The following POU6F2 variants were observed in gnomAD, a reference collection of about 807,000 sequenced individuals.
POU6F2 encodes POU class 6 homeobox 2.
Under a neutral mutation model 71.3 loss-of-function variants are expected in POU6F2, and 31 were observed. The ratio of observed to expected loss-of-function variants is 0.43; its 90% CI spans 0.33 to 0.59. POU6F2 has a LOEUF of 0.59. POU6F2 is among the 20% of genes least tolerant of loss of function. The pLI, the probability that POU6F2 is intolerant of heterozygous loss-of-function variation, is 0.04. For synonymous variants in POU6F2, 347 were observed against 355.7 expected, an observed-to-expected ratio of 0.98 and a Z score of 0.27; for missense variants, 783 against 856.8, an observed-to-expected ratio of 0.91 and a Z score of 1.07.
intron 9 of POU6F2, among the ~76,000 whole-genome samples, chr7:39,463,153 C>T (rs578143042): frequency 4.3e-4 from 65 of 152,230 alleles, no homozygotes; most frequent in African/African-American, 4.1e-4. Context: ...AACAAACAAA[C>T]GAATAAAAGG....
At chr7:39,330,276 A>G (rs1032312656) in intron 4 of POU6F2, among the ~76,000 whole-genome samples, 1 of 152,194 alleles carries the variant, frequency 6.6e-6, no homozygotes, top group East Asian at 1.9e-4. Flanking sequence ...CCCTGCTCCA[A>G]AGAGAAGCAT....
At chr7:39,026,784 A>G (rs1473348891) in intron 1 of POU6F2, among the ~76,000 whole-genome samples, 1 of 152,158 alleles carries the variant, frequency 6.6e-6, no homozygotes, top group African/African-American at 2.4e-5. Flanking sequence ...TATCACTTAA[A>G]TTACTTAATT....
intron 2 of POU6F2, among the ~76,000 whole-genome samples, chr7:39,141,031 G>A (rs949796250): frequency 2.0e-5 from 3 of 152,074 alleles, no homozygotes; most frequent in Admixed American, 6.6e-5. Flanking sequence ...CAGTCTTAAC[G>A]TCAGAAGTTA....
chr7:39,284,267 G>A (rs546128460), intron 4 of POU6F2, among the ~76,000 whole-genome samples: 2 of 152,310 alleles, frequency 1.3e-5, no homozygotes, highest in South Asian at 2.1e-4. Flanking sequence ...CATGTTTGTA[G>A]CCCAAAGTCT....
rs544136202 is a variant in POU6F2, at chr7:39,304,190, A to C, written c.599-35452A>C. Among the ~76,000 whole-genome samples, 28 of 152,348 alleles carry C rather than the reference A, an allele frequency of 1.8e-4. No homozygotes were observed. The East Asian group carries it at 5.4e-3, about 29-fold the overall frequency. ...TAAAAAACAAACTGAGAAAGCTGCAACACATATGGTAGACTGTGAAGTACC... is the reference window on the plus strand; with the variant it reads ...TAAAAAACAAACTGAGAAAGCTGCACCACATATGGTAGACTGTGAAGTACC... On this transcript the variant is annotated intron_variant, in intron 4 of 9. Transcript: ENST00000518318.
At chr7:39,205,996 AC>A (rs1430098504) in intron 3 of POU6F2, among the ~76,000 whole-genome samples, 2 of 151,980 alleles carry the variant, frequency 1.3e-5, no homozygotes, top group Admixed American at 1.3e-4. Flanking sequence ...TTGAACTTGA[AC>A]CCCCTCTCAA....
intron 9 of POU6F2, among the ~76,000 whole-genome samples, chr7:39,461,928 A>G (rs1788958194): frequency 6.6e-6 from 1 of 152,232 alleles, no homozygotes; most frequent in African/African-American, 2.4e-5. Flanking sequence ...AACACTAACA[A>G]ACAGCATCCA....
At chr7:39,245,571 G>A (rs1019323215) in intron 4 of POU6F2, among the ~76,000 whole-genome samples, 2 of 152,154 alleles carry the variant, frequency 1.3e-5, no homozygotes, top group Non-Finnish European at 1.5e-5. Flanking sequence ...GCTCCTGTCT[G>A]CGTCACATCA....
intron 1 of POU6F2, among the ~76,000 whole-genome samples, chr7:39,015,931 A>G (rs373330367): frequency 0.6 from 19,442 of 32,428 alleles, 7,523 homozygotes; most frequent in South Asian, 0.71. Context: ...ATAGATATAT[A>G]TAATATATAG....
intron 2 of POU6F2, among the ~76,000 whole-genome samples, chr7:39,119,804 G>A (rs1792005195): frequency 6.6e-6 from 1 of 152,124 alleles, no homozygotes; most frequent in Non-Finnish European, 1.5e-5. Flanking sequence ...TTAATAGTTG[G>A]TTTGGTTCCT....
chr7:39,077,328 G>C (rs185388124), intron 1 of POU6F2, among the ~76,000 whole-genome samples: 3 of 151,820 alleles, frequency 2.0e-5, no homozygotes, highest in African/African-American at 7.3e-5. Flanking sequence ...AAAGAAGCTT[G>C]TAGAGGTTCA....
At chr7:39,107,634 A>G (rs1791718308) in intron 2 of POU6F2, among the ~76,000 whole-genome samples, 1 of 152,090 alleles carries the variant, frequency 6.6e-6, no homozygotes. Flanking sequence ...TATTTACAAA[A>G]TTTTCAGTAG....
chr7:39,348,809 T>C (rs761260822), intron 5 of POU6F2, among the ~76,000 whole-genome samples: 9 of 152,220 alleles, frequency 5.9e-5, no homozygotes, highest in Non-Finnish European at 1.2e-4. Context: ...GATGGGTAGA[T>C]AGAAGTGCTG....
intron 4 of POU6F2, among the ~76,000 whole-genome samples, chr7:39,291,635 C>T (rs987443292): frequency 6.6e-6 from 1 of 152,188 alleles, no homozygotes; most frequent in Admixed American, 6.5e-5. Flanking sequence ...AAACAGTGCT[C>T]TCTCTGCAGT....
At chr7:39,266,304 G>A (rs1784239264) in intron 4 of POU6F2, among the ~76,000 whole-genome samples, 1 of 152,182 alleles carries the variant, frequency 6.6e-6, no homozygotes, top group African/African-American at 2.4e-5. Flanking sequence ...CATTGACCAG[G>A]AAGAAGGGTT....
chr7:39,308,089 G>A (rs1785081126), intron 4 of POU6F2, among the ~76,000 whole-genome samples: 1 of 152,168 alleles, frequency 6.6e-6, no homozygotes, highest in African/African-American at 2.4e-5. Flanking sequence ...TCCTATGGCA[G>A]TGCATATCCA....
chr7:39,406,467 CCCTCCGGTGGGTTCCAG>C, intron 5 of POU6F2, 116 bp from the exon 6 acceptor site: 1 of 1,007,322 alleles, frequency 9.9e-7, no homozygotes, highest in Non-Finnish European at 1.4e-6. Flanking sequence ...TTCGCCACGC[CCCTCCGGTGGGTTCCAG>C]GCCCTTTGCA....
intron 4 of POU6F2, among the ~76,000 whole-genome samples, chr7:39,317,352 A>G (rs1319275053): frequency 1.3e-5 from 2 of 152,190 alleles, no homozygotes; most frequent in Non-Finnish European, 2.9e-5. Flanking sequence ...TGTCCTTTCT[A>G]AAGTGGATCC....
chr7:39,080,856 G>A (rs1322341800), intron 1 of POU6F2, among the ~76,000 whole-genome samples: 1 of 152,162 alleles, frequency 6.6e-6, no homozygotes, highest in East Asian at 1.9e-4. Context: ...ACTATAAAAT[G>A]AGAATGAATA....
Sources: gnomAD v4.1 joint callset for allele counts (sites outside exome capture counted in the v4.1 genomes callset) on GRCh38, gnomAD v4.1.1 for gene constraint, MANE v1.5 for transcripts, NCBI Gene and HGNC (gene_info 2026-07-23, HGNC 2026-07-21) for gene names.